Variants in ANKRD33B observed in about 807,000 individuals in gnomAD.
The protein encoded by ANKRD33B is ankyrin repeat domain 33B, also known as ankyrin repeat domain-containing protein 33B.
Under a neutral mutation model 21.5 loss-of-function variants are expected in ANKRD33B, and 6 were observed. That is an observed-to-expected ratio of 0.28 (90% confidence interval 0.15 to 0.55). The LOEUF (loss-of-function observed/expected upper bound fraction) is 0.55. Among genes scored for constraint, ANKRD33B ranks in the 20% least tolerant of loss-of-function variants. The pLI is 0.94. For synonymous variants in ANKRD33B, 347 were observed against 342.4 expected (o/e 1.01, Z -0.15); for missense variants, 698 against 747.2 (o/e 0.93, Z 0.77).
intron 1 of ANKRD33B, among the ~76,000 whole-genome samples, chr5:10,609,210 A>G (rs1560972574): frequency 6.6e-6 from 1 of 152,206 alleles, no homozygotes; most frequent in Non-Finnish European, 1.5e-5. Context: ...TAAATACAAT[A>G]TATTTATTAG....
chr5:10,585,183 G>C (rs1374952080), intron 1 of ANKRD33B, among the ~76,000 whole-genome samples: 1 of 152,216 alleles, frequency 6.6e-6, no homozygotes, highest in African/African-American at 2.4e-5. Flanking sequence ...CTGGCGTCGT[G>C]TTGAAGTTTG....
At chr5:10,606,192 G>T (rs117203923) in intron 1 of ANKRD33B, among the ~76,000 whole-genome samples, 1 of 152,150 alleles carries the variant, frequency 6.6e-6, no homozygotes, top group African/African-American at 2.4e-5. Context: ...ATAAATCCCA[G>T]CGAGAGGTTT....
intron 2 of ANKRD33B, among the ~76,000 whole-genome samples, chr5:10,625,557 C>T (rs796438171): frequency 6.6e-6 from 1 of 152,238 alleles, no homozygotes; most frequent in Admixed American, 6.5e-5. Flanking sequence ...TGCCTTCCTG[C>T]ACGGGGATGT....
intron 3 of ANKRD33B, among the ~76,000 whole-genome samples, chr5:10,648,964 C>T (rs1473307984): frequency 6.6e-6 from 1 of 151,792 alleles, no homozygotes; most frequent in Non-Finnish European, 1.5e-5. Flanking sequence ...GGCCCCATCT[C>T]TACAGAAAAT....
chr5:10,604,982 G>C (rs370966470), intron 1 of ANKRD33B, among the ~76,000 whole-genome samples: 1 of 152,210 alleles, frequency 6.6e-6, no homozygotes, highest in Non-Finnish European at 1.5e-5. Flanking sequence ...AGGGTTTCTC[G>C]TGAGTTGCAG....
At chr5:10,626,546 C>T (rs1320483836) in intron 2 of ANKRD33B, among the ~76,000 whole-genome samples, 1 of 152,226 alleles carries the variant, frequency 6.6e-6, no homozygotes, top group Non-Finnish European at 1.5e-5. Flanking sequence ...ACTGCCTTCT[C>T]TTGCAACACA....
chr5:10,612,081 T>C (rs1736183617), intron 1 of ANKRD33B, among the ~76,000 whole-genome samples: 1 of 152,232 alleles, frequency 6.6e-6, no homozygotes, highest in Admixed American at 6.5e-5. Context: ...ACCATTTTTC[T>C]ATGATATGTT....
chr5:10,565,552 G>A (rs1008627555), intron 1 of ANKRD33B, among the ~76,000 whole-genome samples: 1 of 152,382 alleles, frequency 6.6e-6, no homozygotes, highest in South Asian at 2.1e-4. Flanking sequence ...GCATCCACCC[G>A]GGTAGGGCAG....
chr5:10,602,336 C>T (rs976925508), intron 1 of ANKRD33B, among the ~76,000 whole-genome samples: 2 of 152,364 alleles, frequency 1.3e-5, no homozygotes, highest in Admixed American at 1.3e-4. Context: ...ACGCTGATGC[C>T]GCTGGTCCTG....
chr5:10,642,636 C>T (rs2062197), intron 3 of ANKRD33B, among the ~76,000 whole-genome samples: 2 of 151,940 alleles, frequency 1.3e-5, no homozygotes, highest in African/African-American at 4.8e-5. Flanking sequence ...GGATTGGGCA[C>T]GTTCACAACA....
At chr5:10,565,510 G>A (rs555984283) in intron 1 of ANKRD33B, among the ~76,000 whole-genome samples, 32 of 152,384 alleles carry the variant, frequency 2.1e-4, no homozygotes, top group African/African-American at 7.7e-4. Context: ...GCTCCCCAGA[G>A]TCAGGGCATA....
chr5:10,572,430 C>T (rs1483642357), intron 1 of ANKRD33B, among the ~76,000 whole-genome samples: 1 of 152,092 alleles, frequency 6.6e-6, no homozygotes, highest in African/African-American at 2.4e-5. Context: ...TTTGAGAAGC[C>T]TTAGCACAGA....
intron 3 of ANKRD33B, among the ~76,000 whole-genome samples, chr5:10,643,029 T>G (rs556369741): frequency 1.3e-5 from 2 of 152,094 alleles, no homozygotes; most frequent in Non-Finnish European, 2.9e-5. Context: ...TTCAGCCTCC[T>G]GAGTAGCTAG....
chr5:10,595,111 G>T (rs1372885066), intron 1 of ANKRD33B, among the ~76,000 whole-genome samples: 8 of 152,174 alleles, frequency 5.3e-5, no homozygotes, highest in Non-Finnish European at 2.9e-5. Context: ...TGACTGTGGA[G>T]GGTGGAGGGG....
At chr5:10,645,106 C>G (rs1432085842) in intron 3 of ANKRD33B, among the ~76,000 whole-genome samples, 1 of 152,206 alleles carries the variant, frequency 6.6e-6, no homozygotes, top group African/African-American at 2.4e-5. Flanking sequence ...GTGGCTTGTC[C>G]TCCCTGCTGG....
At chr5:10,597,533 T>C (rs1735843982) in intron 1 of ANKRD33B, among the ~76,000 whole-genome samples, 1 of 152,206 alleles carries the variant, frequency 6.6e-6, no homozygotes. Flanking sequence ...GGCACCCAGA[T>C]TCATGAGGCA....
chr5:10,640,007 CGTGGAGTT>C lies in ANKRD33B; in HGVS notation c.637+1841_637+1848del, dbSNP rs1560985495. On this transcript the variant is annotated intron_variant, in intron 3 of 3. Transcript: ENST00000296657. ...GTTGCGCGGCGATGTTAGCGGGTGA[CGTGGAGTT>C]GCGCGGCGATGTTAGCGGGTGACGT... Among the ~76,000 whole-genome samples, 17 of 74,702 alleles carry C rather than the reference CGTGGAGTT, an allele frequency of 2.3e-4. 1 individual carries two copies. The highest frequency in any genetic ancestry group is 8.5e-4 in the Admixed American group (5 of 5,870). 49.0% of individuals were successfully genotyped at this position (74,702 alleles called of 152,430 possible).
At chr5:10,610,406 C>T (rs962370136) in intron 1 of ANKRD33B, among the ~76,000 whole-genome samples, 2 of 151,844 alleles carry the variant, frequency 1.3e-5, no homozygotes, top group Non-Finnish European at 2.9e-5. Context: ...GGACAGCCCC[C>T]CCCCCGAATA....
intron 1 of ANKRD33B, among the ~76,000 whole-genome samples, chr5:10,596,529 A>G (rs1265073505): frequency 1.3e-5 from 2 of 152,196 alleles, no homozygotes; most frequent in East Asian, 1.9e-4. Context: ...ATAGTATTCC[A>G]TGGTATATAA....
Sources: gnomAD v4.1 joint callset for allele counts (sites outside exome capture counted in the v4.1 genomes callset) on GRCh38, gnomAD v4.1.1 for gene constraint, MANE v1.5 for transcripts, NCBI Gene and HGNC (gene_info 2026-07-23, HGNC 2026-07-21) for gene names.